Variants in TYW1B observed in about 807,000 individuals in gnomAD.
TYW1B encodes the protein S-adenosyl-L-methionine-dependent tRNA 4-demethylwyosine synthase TYW1B.
Under a neutral mutation model 86.9 loss-of-function variants are expected in TYW1B, and 73 were observed. The observed-to-expected ratio is 0.84, with a 90% CI of 0.70 to 1.02. The LOEUF is 1.02. Among genes scored for constraint, TYW1B ranks in the 50% least tolerant of loss-of-function variants. The probability of loss-of-function intolerance (pLI) is 0.00; values close to 1 mark genes in which losing one functional copy is unlikely to be tolerated. For synonymous variants in TYW1B, 248 were observed against 292.8 expected (o/e 0.85, Z 1.56); for missense variants, 637 against 827.4 (o/e 0.77, Z 2.82).
intron 7 of TYW1B, among the ~76,000 whole-genome samples, chr7:72,763,211 T>C (rs1380706813): frequency 6.6e-6 from 1 of 151,822 alleles, no homozygotes; most frequent in Non-Finnish European, 1.5e-5. Flanking sequence ...CTATGCTATC[T>C]TTATTAGATT....
intron 11 of TYW1B, among the ~76,000 whole-genome samples, chr7:72,629,810 A>G (rs1206904772): frequency 6.6e-6 from 1 of 152,140 alleles, no homozygotes; most frequent in African/African-American, 2.4e-5. Context: ...AGGCTTCCGA[A>G]GGGCTGGGAT....
rs1404929408 is a variant in TYW1B at position 72,740,232 on chromosome 7, C to CA, written c.1082+4251dup. Among the ~76,000 whole-genome samples the CA allele has an allele frequency of 4.7e-5, 7 of 149,376 alleles. No homozygotes were observed. The East Asian group carries it at 5.8e-4, about 12-fold the overall frequency. On this transcript the variant is annotated intron_variant, in intron 8 of 13. Coordinates refer to ENST00000620995, the MANE Select transcript of TYW1B (RefSeq NM_001145440.3). The stretch of plus-strand genomic sequence containing the variant: ...TGGGCGACAGAGTGAGACTCTGTCT[C>CA]AAAAAAAAGAAAAAAAAATTAGCCA...
In TYW1B at chr7:72,801,168, A is replaced by C. The variant is rs187774367; in HGVS notation, c.846+1232T>G. 3.6e-3 allele frequency among the ~76,000 whole-genome samples: 549 copies of C among 152,190 alleles called. 13 individuals carry two copies. The highest frequency in any genetic ancestry group is 0.01 in the Middle Eastern group (3 of 294). On this transcript the variant is annotated intron_variant, in intron 6 of 13. Transcript: ENST00000620995. ...ACATGGTGAAATCCCGTCTCTACTAAAAATACAAAAATTAGCTCAGCGTGG... is the reference window on the plus strand; with the variant it reads ...ACATGGTGAAATCCCGTCTCTACTACAAATACAAAAATTAGCTCAGCGTGG...
intron 2 of TYW1B, among the ~76,000 whole-genome samples, chr7:72,824,872 G>A (rs1554481165): frequency 6.6e-6 from 1 of 152,010 alleles, no homozygotes; most frequent in Non-Finnish European, 1.5e-5. Context: ...AGGAGGCCAG[G>A]TGGGCAGATT....
chr7:72,657,366 T>C (rs1325732819), intron 11 of TYW1B, among the ~76,000 whole-genome samples: 1 of 152,040 alleles, frequency 6.6e-6, no homozygotes, highest in African/African-American at 2.4e-5. Context: ...AAAGCAAACA[T>C]ATATTTGAAT....
At chr7:72,685,245 C>A (rs1341333562) in intron 11 of TYW1B, among the ~76,000 whole-genome samples, 1 of 149,448 alleles carries the variant, frequency 6.7e-6, no homozygotes. Context: ...AGGGAAAACA[C>A]TAAAAAAAAA....
At chr7:72,615,414 A>T (rs2129568386) in intron 13 of TYW1B, among the ~76,000 whole-genome samples, 1 of 152,354 alleles carries the variant, frequency 6.6e-6, no homozygotes, top group Non-Finnish European at 1.5e-5. Flanking sequence ...TTCAGACCTC[A>T]GATTCCATAC....
intron 12 of TYW1B, among the ~76,000 whole-genome samples, chr7:72,620,727 T>C (rs1230549422): frequency 6.6e-6 from 1 of 152,136 alleles, no homozygotes; most frequent in Non-Finnish European, 1.5e-5. Context: ...TCTGCCACCT[T>C]CTCACCCACT....
chr7:72,692,174 C>T (rs187626777), intron 11 of TYW1B, among the ~76,000 whole-genome samples: 1 of 127,834 alleles, frequency 7.8e-6, no homozygotes, highest in African/African-American at 3.0e-5. Context: ...CCACCACACA[C>T]CAGCCTAGGC....
At chr7:72,788,011 A>G (rs1193935120) in intron 6 of TYW1B, among the ~76,000 whole-genome samples, 3 of 151,720 alleles carry the variant, frequency 2.0e-5, no homozygotes, top group Non-Finnish European at 4.4e-5. Flanking sequence ...GGAGTCTCAC[A>G]CTGTCGCCCA....
At chr7:72,664,531 A>G (rs1813415245) in intron 11 of TYW1B, among the ~76,000 whole-genome samples, 1 of 152,286 alleles carries the variant, frequency 6.6e-6, no homozygotes, top group South Asian at 2.1e-4. Flanking sequence ...GCTCTCACTT[A>G]TAAGTGGGAG....
intron 7 of TYW1B, among the ~76,000 whole-genome samples, chr7:72,752,803 A>C (rs1268685583): frequency 1.3e-5 from 2 of 152,210 alleles, no homozygotes; most frequent in Admixed American, 1.3e-4. Flanking sequence ...TCAATTTCTC[A>C]TATGTCAATT....
At chr7:72,722,343 C>T (rs1425740053) in intron 9 of TYW1B, among the ~76,000 whole-genome samples, 1 of 152,172 alleles carries the variant, frequency 6.6e-6, no homozygotes, top group African/African-American at 2.4e-5. Context: ...GTACTGAGGA[C>T]GTTCCTGACA....
In TYW1B at chr7:72,777,399, T is replaced by C. The variant is rs1289859148; in HGVS notation, c.964+17A>G. Reference sequence around the variant, plus strand: ...TAAGACTATAGTCATATAACAACAATTCTTGAAGATTTTCACCTTGTTTAG... The same window carrying C: ...TAAGACTATAGTCATATAACAACAACTCTTGAAGATTTTCACCTTGTTTAG... On this transcript the variant is annotated intron_variant, in intron 7 of 13. Coordinates refer to ENST00000620995, the MANE Select transcript of TYW1B (RefSeq NM_001145440.3). 8.7e-6 allele frequency: 14 copies of C among 1,612,366 alleles called. No individual in the cohort carries two copies. Among genetic ancestry groups the C allele is most frequent in the Non-Finnish European group, 1.2e-5 (14 of 1,179,102 alleles).
chr7:72,701,974 T>G (rs1814487374), intron 10 of TYW1B, among the ~76,000 whole-genome samples: 1 of 152,184 alleles, frequency 6.6e-6, no homozygotes, highest in South Asian at 2.1e-4. Context: ...TTCTCAAGTC[T>G]TCTCTGGCAT....
Position 72,688,391 on chromosome 7 carries a change from C to T in TYW1B, c.1506+6296G>A, listed in dbSNP as rs1341554524. Reference sequence around the variant, plus strand: ...TCCCATTCATCCCTCCATACAATGGCTTCCACACAAAACACTGCACCATAC... The same window carrying T: ...TCCCATTCATCCCTCCATACAATGGTTTCCACACAAAACACTGCACCATAC... On this transcript the variant is annotated intron_variant, in intron 11 of 13. Transcript: ENST00000620995. Among the ~76,000 whole-genome samples, 10 of 152,186 alleles carry T rather than the reference C, an allele frequency of 6.6e-5. 1 individual carries two copies. Among genetic ancestry groups the T allele is most frequent in the Admixed American group, 6.6e-4 (10 of 15,262 alleles).
At chr7:72,777,315 T>G in intron 7 of TYW1B, 101 bp downstream of exon 7, 1 of 1,395,486 alleles carries the variant, frequency 7.2e-7, no homozygotes, top group Non-Finnish European at 9.9e-7. Context: ...TCTGCCACTA[T>G]GAACAGCTGC....
At position 72,703,020 on chromosome 7, in the gene TYW1B, A is replaced by T. The variant is rs1312134727; in HGVS notation, c.1371-8198T>A. Among the ~76,000 whole-genome samples, 59 of 10,138 alleles carry T rather than the reference A, an allele frequency of 5.8e-3. 2 individuals are homozygous for T. Among genetic ancestry groups the T allele is most frequent in the African/African-American group, 0.015 (39 of 2,534 alleles). 6.7% of individuals were successfully genotyped at this position (10,138 alleles called of 152,430 possible). ...TATATATATATATATATATATATAT[A>T]TATATATTTTTTTTTTTTTTTTGAG... On this transcript the variant is annotated intron_variant, in intron 10 of 13. Coordinates refer to ENST00000620995, the MANE Select transcript of TYW1B (RefSeq NM_001145440.3).
intron 7 of TYW1B, among the ~76,000 whole-genome samples, chr7:72,763,157 T>TAA (rs1240487655): frequency 6.7e-6 from 1 of 148,272 alleles, no homozygotes; most frequent in Non-Finnish European, 1.5e-5. Context: ...AACTGGCCTT[T>TAA]AAAAAAAAAA....
Sources: allele counts gnomAD v4.1 joint callset (sites outside exome capture counted in the v4.1 genomes callset), GRCh38; gene constraint gnomAD v4.1.1; transcripts MANE v1.5; gene names NCBI Gene and HGNC (gene_info 2026-07-23, HGNC 2026-07-21).